The following CTNND1 variants were observed in gnomAD, a reference collection of about 807,000 sequenced individuals.
The protein encoded by CTNND1 is catenin delta-1.
CTNND1 carries 16 observed loss-of-function variants against 112.1 expected under a neutral mutation model. The observed-to-expected ratio is 0.14, with a 90% CI of 0.10 to 0.22. The LOEUF (loss-of-function observed/expected upper bound fraction) is 0.22, where lower values mean the gene tolerates loss of function less well. Ranked by LOEUF, CTNND1 falls within the 10% of genes least tolerant of loss-of-function variation. The pLI, the probability that CTNND1 is intolerant of heterozygous loss-of-function variation, is 1.00. For missense variants in CTNND1, 1,008 were observed against 1,257.0 expected (o/e 0.80, Z 3.00); for synonymous variants, 420 against 446.5 (o/e 0.94, Z 0.75).
At chr11:57,767,239 T>A (rs1420077508) in intron 1 of CTNND1, among the ~76,000 whole-genome samples, 2 of 151,860 alleles carry the variant, frequency 1.3e-5, no homozygotes, top group Non-Finnish European at 2.9e-5. Flanking sequence ...CAGATTACAG[T>A]CTTGAGCCAC....
At chr11:57,775,266 A>G (rs544336767) in intron 1 of CTNND1, among the ~76,000 whole-genome samples, 15 of 151,234 alleles carry the variant, frequency 9.9e-5, no homozygotes, top group African/African-American at 3.4e-4. Flanking sequence ...CTACTTAGGA[A>G]GCTAAGGAGA....
chr11:57,766,852 G>A (rs761708071), intron 1 of CTNND1, among the ~76,000 whole-genome samples: 40 of 152,098 alleles, frequency 2.6e-4, no homozygotes, highest in East Asian at 5.8e-4. Context: ...TTCAGGGATC[G>A]TGTTCCCTGT....
At chr11:57,769,978 T>C (rs1452800792) in intron 1 of CTNND1, among the ~76,000 whole-genome samples, 2 of 152,204 alleles carry the variant, frequency 1.3e-5, no homozygotes, top group Non-Finnish European at 2.9e-5. Context: ...ATGCTTTCTA[T>C]GTTGTTCTAT....
At position 57,818,472 on chromosome 11, in the gene CTNND1, C is replaced by T. The variant is rs1039928064; in HGVS notation, c.*2164C>T. On this transcript the variant is annotated 3_prime_UTR_variant, in exon 21 of 21. Coordinates refer to ENST00000399050, the MANE Select transcript of CTNND1 (RefSeq NM_001085458.2). ...ATGTGGGGGGTCTGTGTCATTTCTTCACTTCAAGCTGTTATTTCTTCCCTG... is the reference window on the plus strand; with the variant it reads ...ATGTGGGGGGTCTGTGTCATTTCTTTACTTCAAGCTGTTATTTCTTCCCTG... 1.3e-5 allele frequency: 2 copies of T among 152,466 alleles called. No individual in the cohort carries two copies. Among genetic ancestry groups the T allele is most frequent in the Admixed American group, 1.3e-4 (2 of 15,266 alleles). 9.4% of individuals were successfully genotyped at this position (152,466 alleles called of 1,614,324 possible).
intron 9 of CTNND1, among the ~76,000 whole-genome samples, chr11:57,805,055 C>T (rs960284296): frequency 3.3e-5 from 5 of 151,702 alleles, no homozygotes; most frequent in Non-Finnish European, 7.4e-5. Context: ...TGTGCCACCA[C>T]ACCCAGCTAA....
chr11:57,776,351 G>C (rs1954229783), intron 1 of CTNND1, among the ~76,000 whole-genome samples: 1 of 152,174 alleles, frequency 6.6e-6, no homozygotes, highest in Non-Finnish European at 1.5e-5. Flanking sequence ...AATTAGATGT[G>C]TGTTAGCAGA....
intron 19 of CTNND1, 97 bp downstream of exon 19, chr11:57,815,597 G>A (rs147326681): frequency 1.2e-5 from 13 of 1,078,204 alleles, no homozygotes; most frequent in East Asian, 7.1e-5. Flanking sequence ...GAGAAAGATC[G>A]CATCCTTTTC....
intron 18 of CTNND1, 69 bp downstream of exon 18, chr11:57,814,442 TATAGTTTTTTTTCTAATAC>T: frequency 6.4e-6 from 8 of 1,243,808 alleles, no homozygotes; most frequent in Non-Finnish European, 9.2e-6. Context: ...TGTCTAGCTC[TATAGTTTTTTTTCTAATAC>T]CCTTACCATT....
chr11:57,785,790 G>A (rs2060063200), intron 1 of CTNND1, among the ~76,000 whole-genome samples: 1 of 151,722 alleles, frequency 6.6e-6, no homozygotes, highest in South Asian at 2.1e-4. Flanking sequence ...CTTGTGATCC[G>A]CTCACCTCGG....
chr11:57,791,443 T>C lies in CTNND1; in HGVS notation c.-36T>C. The C allele has an allele frequency of 2.8e-6, 4 of 1,405,094 alleles. No homozygotes were observed. In the South Asian group the frequency reaches 6.2e-5, roughly 22 times the overall value. The allele number at this position is 1,405,094 out of a possible 1,614,324, so 87.0% of individuals were successfully genotyped here. A position where few individuals can be genotyped will look rare whatever the true frequency, so the allele number is the denominator to read the frequency against. On this transcript the variant is annotated 5_prime_UTR_variant, in exon 3 of 21. Coordinates refer to ENST00000399050, the MANE Select transcript of CTNND1 (RefSeq NM_001085458.2). ...CTTCCTCTGTGATTCACCTTCCTTTTTACCCTGCCCTGCGGCGGCTCCGCC... is the reference window on the plus strand; with the variant it reads ...CTTCCTCTGTGATTCACCTTCCTTTCTACCCTGCCCTGCGGCGGCTCCGCC...
chr11:57,786,611 T>G (rs549071444), intron 1 of CTNND1, among the ~76,000 whole-genome samples: 62 of 152,198 alleles, frequency 4.1e-4, no homozygotes, highest in Admixed American at 1.1e-3. Context: ...GACTCCTGAC[T>G]GTCTGCCAAA....
At position 57,815,939 on chromosome 11, in the gene CTNND1, G is replaced by T. The variant is rs752894716; in HGVS notation, c.2833G>T (p.Glu945Ter). 10 of 1,607,298 alleles carry T rather than the reference G, an allele frequency of 6.2e-6. No homozygotes were observed. In the East Asian group the frequency reaches 2.0e-4, roughly 32 times the overall value. ...GCAGGACGAGGGGCAGGAATCTCTGGAGGAAGAGTTGGATGTGTTGGTTTT... is the reference window on the plus strand; with the variant it reads ...GCAGGACGAGGGGCAGGAATCTCTGTAGGAAGAGTTGGATGTGTTGGTTTT... ...LMQDEGQESL[E>*]EELDVLVLDD... Residue 945 changes from glutamate to a stop codon, truncating the protein, a stop_gained, in exon 20 of 21, where the codon GAG becomes TAG. Transcript: ENST00000399050. LOFTEE classifies it high-confidence loss of function.
At chr11:57,777,208 C>T (rs1954509592) in intron 1 of CTNND1, among the ~76,000 whole-genome samples, 1 of 152,146 alleles carries the variant, frequency 6.6e-6, no homozygotes, top group African/African-American at 2.4e-5. Context: ...ATATTCTTTT[C>T]TATTCAACCC....
chr11:57,814,975 G>C (rs138851270), intron 18 of CTNND1, among the ~76,000 whole-genome samples: 6 of 152,160 alleles, frequency 3.9e-5, no homozygotes, highest in African/African-American at 1.4e-4. Context: ...TTAGATTCAA[G>C]TTCTTTTTTT....
chr11:57,796,799 G>C lies in CTNND1; in HGVS notation c.763G>C (p.Asp255His). 1 of 1,610,134 alleles carries C rather than the reference G, an allele frequency of 6.2e-7. No individual in the cohort carries two copies. The highest frequency in any genetic ancestry group is 8.5e-7 in the Non-Finnish European group (1 of 1,177,214). ...AGGCTACCGGGCACCTAGTAGACAG[G>C]ATGTGTATGGGCCCCAACCCCAGGT... ...MEGYRAPSRQ[D>H]VYGPQPQVRV... Residue 255 changes from aspartate to histidine, a missense_variant, in exon 6 of 21, where the codon GAT (aspartate) becomes CAT (histidine). By Grantham distance (81) the Asp-to-His change is moderately conservative. Around this residue, in one of 5 missense-constraint regions of CTNND1, gnomAD observed 404 missense variants for 457.9 expected, o/e 0.88. Coordinates refer to ENST00000399050, the MANE Select transcript of CTNND1 (RefSeq NM_001085458.2).
At position 57,761,850 on chromosome 11, in the gene CTNND1, C is replaced by T. The variant is rs1949940623; in HGVS notation, c.-483C>T. The T allele has an allele frequency of 1.0e-6, 1 of 984,758 alleles. No homozygotes were observed. Among genetic ancestry groups the T allele is most frequent in the Admixed American group, 6.2e-5 (1 of 16,176 alleles). 61.0% of individuals were successfully genotyped at this position (984,758 alleles called of 1,614,324 possible). A position where few individuals can be genotyped will look rare whatever the true frequency, so the allele number is the denominator to read the frequency against. ...CTCCCTTGCCTTTGGCTGGGTGCAA[C>T]TTCCATTTTAGGTGTTGGATCTGAG... On this transcript the variant is annotated 5_prime_UTR_variant, in exon 1 of 21. Coordinates refer to ENST00000399050, the MANE Select transcript of CTNND1 (RefSeq NM_001085458.2).
intron 8 of CTNND1, 50 bp downstream of exon 8, chr11:57,803,854 T>C (rs765365092): frequency 1.5e-6 from 2 of 1,349,048 alleles, no homozygotes; most frequent in Non-Finnish European, 2.0e-6. Flanking sequence ...GAGGACTGAC[T>C]TAAATTTCCT....
chr11:57,802,070 C>G lies in CTNND1; in HGVS notation c.1294C>G (p.Leu432Val), dbSNP rs752398112. 1.2e-6 allele frequency: 2 copies of G among 1,613,988 alleles called. No homozygotes were observed. The highest frequency in any genetic ancestry group is 1.7e-6 in the Non-Finnish European group (2 of 1,179,888). The change falls in exon 7 of 21, where the codon CTC (leucine) becomes GTC (valine). Residue 432 changes from leucine to valine, a missense_variant. Physicochemically the swap from Leu to Val is conservative, Grantham distance 32. Coordinates refer to ENST00000399050, the MANE Select transcript of CTNND1 (RefSeq NM_001085458.2). ...KEVHLGACGA[L>V]KNISFGRDQD... The stretch of plus-strand genomic sequence containing the variant: ...AGTGCACCTTGGAGCCTGTGGAGCT[C>G]TCAAGAATATCTCTTTTGGACGTGA...
intron 8 of CTNND1, 28 bp from the exon 9 acceptor site, chr11:57,804,635 C>T: frequency 6.4e-7 from 1 of 1,562,550 alleles, no homozygotes; most frequent in African/African-American, 1.4e-5. Context: ...GGATTTGAGT[C>T]ATCTTGAAGC....
Sources: allele counts gnomAD v4.1 joint callset (sites outside exome capture counted in the v4.1 genomes callset), GRCh38; gene constraint gnomAD v4.1.1; regional missense constraint gnomAD v4.1.1; transcripts MANE v1.5; gene names NCBI Gene and HGNC (gene_info 2026-07-23, HGNC 2026-07-21).